Variants in LRRC71 observed in about 807,000 individuals in gnomAD.
The protein encoded by LRRC71 is leucine-rich repeat-containing protein 71.
A neutral mutation model predicts 66.6 loss-of-function variants in LRRC71; 54 were observed. The observed-to-expected ratio is 0.81, with a 90% confidence interval of 0.65 to 1.02. The LOEUF (loss-of-function observed/expected upper bound fraction) is 1.02, where lower values mean the gene tolerates loss of function less well. LRRC71 is among the 50% of genes least tolerant of loss of function. The probability of loss-of-function intolerance (pLI) is 0.00; values close to 1 mark genes in which losing one functional copy is unlikely to be tolerated. For missense variants in LRRC71, 724 were observed against 718.0 expected, an observed-to-expected ratio of 1.01 and a Z score of -0.10; for synonymous variants, 323 against 303.9, an observed-to-expected ratio of 1.06 and a Z score of -0.65.
intron 8 of LRRC71, 41 bp from the exon 9 acceptor site, chr1:156,927,874 A>C: frequency 6.2e-7 from 1 of 1,610,592 alleles, no homozygotes; most frequent in Non-Finnish European, 8.5e-7. Context: ...GCCGACCCTG[A>C]CTACCCAGGC....
chr1:156,935,822 CCGACTTGAGCAGA>C, downstream of LRRC71: 3 of 663,664 alleles, frequency 4.5e-6, no homozygotes, highest in Non-Finnish European at 7.6e-6. Context: ...AAACCTGACT[CCGACTTGAGCAGA>C]CCAAGCAACA....
Position 156,927,807 on chromosome 1 carries a change from G to A in LRRC71, c.897G>A (p.Lys299=), listed in dbSNP as rs4576654. 1 of 1,613,528 alleles carries A rather than the reference G, an allele frequency of 6.2e-7. No individual in the cohort carries two copies. The highest frequency in any genetic ancestry group is 1.3e-5 in the African/African-American group (1 of 75,070). Residue 299 remains lysine (K), a synonymous_variant, in exon 8 of 15, where the codon AAG becomes AAA. Coordinates refer to ENST00000337428, the MANE Select transcript of LRRC71 (RefSeq NM_144702.3). ...GCATCCAGGACAAGGGCGCCCTGAA[G>A]CTGGCTGAGGTGGGTGTGCCGATCA... ...HNRIQDKGAL[K]LAEVLRAFEL...
At chr1:156,927,710 A>C (rs1169710735) in intron 7 of LRRC71, 23 bp from the exon 8 acceptor site, 1 of 1,606,216 alleles carries the variant, frequency 6.2e-7, no homozygotes, top group East Asian at 2.2e-5. Flanking sequence ...TGGGCGGCTC[A>C]CGCGTCCCTG....
downstream of LRRC71, among the ~76,000 whole-genome samples, chr1:156,937,843 G>A (rs78566984): frequency 0.039 from 5,886 of 152,264 alleles, 418 homozygotes; most frequent in African/African-American, 0.14. Flanking sequence ...CTTCTGAAAG[G>A]AGCAGGCAGC....
rs896166838 is a variant in LRRC71 at position 156,920,850 on chromosome 1, G to A, written c.47G>A (p.Arg16His). The change falls in exon 1 of 15, where the codon CGT becomes CAT. Residue 16 changes from arginine to histidine, a missense_variant. Coordinates refer to ENST00000337428, the MANE Select transcript of LRRC71 (RefSeq NM_144702.3). This position sits in a 1 kb window ranked among gnomAD's most constrained non-coding sequence, Gnocchi z 4.9. ...SAPGASPRAP[R>H]PGTQKSSGAV... is the part of the protein sequence containing the mutation. ...CCGGGGGCCTCACCCAGGGCCCCGC[G>A]TCCGGGGACCCAGAAGTCTTCTGGC... 7 of 1,537,694 alleles carry A rather than the reference G, an allele frequency of 4.6e-6. No homozygotes were observed. Among genetic ancestry groups the A allele is most frequent in the African/African-American group, 4.1e-5 (3 of 72,528 alleles).
downstream of LRRC71, among the ~76,000 whole-genome samples, chr1:156,934,022 G>A (rs1458903145): frequency 1.3e-5 from 2 of 152,172 alleles, no homozygotes; most frequent in African/African-American, 2.4e-5. Flanking sequence ...GCTGGCTGTG[G>A]AGCCAGCTTC....
At chr1:156,936,811 C>T, downstream of LRRC71, 1 of 1,611,602 alleles carries the variant, frequency 6.2e-7, no homozygotes, top group Non-Finnish European at 8.5e-7. Context: ...CCTGGCTTCA[C>T]TCACCATCCT....
In LRRC71 at chr1:156,933,046, G is replaced by A. The variant is rs1654633151; in HGVS notation, c.*77G>A. 2 of 1,039,514 alleles carry A rather than the reference G, an allele frequency of 1.9e-6. No individual in the cohort carries two copies. The highest frequency in any genetic ancestry group is 2.5e-5 in the Admixed American group (1 of 40,388). 64.4% of individuals were successfully genotyped at this position (1,039,514 alleles called of 1,614,324 possible). Reference sequence around the variant, plus strand: ...GTCCCTGTGTGGGGTGACCTCCCTGGGGGAGATCTCAGACCAATAACAAAG... The same window carrying A: ...GTCCCTGTGTGGGGTGACCTCCCTGAGGGAGATCTCAGACCAATAACAAAG... On this transcript the variant is annotated 3_prime_UTR_variant, in exon 15 of 15. Transcript: ENST00000337428.
chr1:156,930,838 T>G (rs1403985471), intron 12 of LRRC71, among the ~76,000 whole-genome samples: 2 of 152,192 alleles, frequency 1.3e-5, no homozygotes, highest in Non-Finnish European at 2.9e-5. Context: ...GCAGACCCCT[T>G]CTATTTTTCC....
intron 11 of LRRC71, 83 bp downstream of exon 11, chr1:156,929,812 C>T: frequency 9.1e-7 from 1 of 1,096,198 alleles, no homozygotes; most frequent in Non-Finnish European, 1.3e-6. Flanking sequence ...CTGTTCTGGG[C>T]CTGGGTGCGC....
chr1:156,937,927 C>T (rs1352038964), downstream of LRRC71, among the ~76,000 whole-genome samples: 1 of 152,160 alleles, frequency 6.6e-6, no homozygotes, highest in Non-Finnish European at 1.5e-5. Flanking sequence ...ATCCATGCCA[C>T]GATCCTCTGG....
Position 156,927,724 on chromosome 1 carries a change from G to T in LRRC71, c.823-9G>T. The T allele has an allele frequency of 6.2e-7, 1 of 1,607,892 alleles. No homozygotes were observed. The highest frequency in any genetic ancestry group is 8.5e-7 in the Non-Finnish European group (1 of 1,179,602). The stretch of plus-strand genomic sequence containing the variant: ...TTGGGCGGCTCACGCGTCCCTGCCC[G>T]CCTCTTAGGGCCTCCGGCTGAACCG... On this transcript the variant is annotated splice_polypyrimidine_tract_variant and intron_variant, in intron 7 of 14. Transcript: ENST00000337428.
chr1:156,936,046 G>A (rs370417432), downstream of LRRC71: 1 of 1,614,058 alleles, frequency 6.2e-7, no homozygotes, highest in Non-Finnish European at 8.5e-7. Context: ...GTCTTCCAGG[G>A]GGGCGTCAGA....
chr1:156,923,234 G>A (rs1007838930), intron 1 of LRRC71, among the ~76,000 whole-genome samples: 5 of 152,172 alleles, frequency 3.3e-5, no homozygotes, highest in African/African-American at 7.2e-5. Context: ...GCACTTGGCA[G>A]GGACTCCCAT....
At chr1:156,938,389 G>C in the LRRC71 span, 3 of 1,605,186 alleles carry the variant, frequency 1.9e-6, no homozygotes, top group Non-Finnish European at 1.7e-6. Flanking sequence ...GTCTTGGCCT[G>C]TCTTTAGCTC....
chr1:156,929,503 T>C, intron 10 of LRRC71, 74 bp downstream of exon 10: 1 of 1,595,980 alleles, frequency 6.3e-7, no homozygotes, highest in East Asian at 2.2e-5. Flanking sequence ...ACAGAGGTGG[T>C]GGAGGGAAGA....
chr1:156,927,678 C>G, intron 7 of LRRC71, 23 bp downstream of exon 7: 1 of 1,606,932 alleles, frequency 6.2e-7, no homozygotes, highest in Non-Finnish European at 8.5e-7. Flanking sequence ...CGGGGAGGGA[C>G]CTGCTGGGAG....
the LRRC71 span, chr1:156,940,164 G>T: frequency 2.0e-6 from 3 of 1,529,410 alleles, no homozygotes; most frequent in South Asian, 3.9e-5. Context: ...CTGGGTGTGC[G>T]ACTGGGGACC....
chr1:156,924,206 T>C (rs574948160), intron 2 of LRRC71, 108 bp downstream of exon 2: 36,577 of 1,326,584 alleles, frequency 0.028, 637 homozygotes, highest in Non-Finnish European at 0.033. Flanking sequence ...TGTGTGTGTG[T>C]GAGTCGGCGG....
Sources: gnomAD v4.1 joint callset for allele counts (sites outside exome capture counted in the v4.1 genomes callset) on GRCh38, gnomAD v4.1.1 for gene constraint, Gnocchi (gnomAD v3.1) non-coding constraint, MANE v1.5 for transcripts, NCBI Gene and HGNC (gene_info 2026-07-23, HGNC 2026-07-21) for gene names.